CACNB4: variants seen among roughly 807,000 people sequenced by gnomAD.
CACNB4 encodes the protein calcium voltage-gated channel auxiliary subunit beta 4.
A neutral mutation model predicts 71.2 loss-of-function variants in CACNB4; 32 were observed. The ratio of observed to expected loss-of-function variants is 0.45; its 90% confidence interval spans 0.34 to 0.60. The LOEUF (loss-of-function observed/expected upper bound fraction) is 0.60. Among genes scored for constraint, CACNB4 ranks in the 20% least tolerant of loss-of-function variants. The pLI is 0.01. For missense variants in CACNB4, 464 were observed against 647.9 expected (o/e 0.72, Z 3.08); for synonymous variants, 231 against 236.9 (o/e 0.97, Z 0.23).
At chr2:152,066,707 T>C (rs1198308387) in intron 2 of CACNB4, among the ~76,000 whole-genome samples, 14 of 149,830 alleles carry the variant, frequency 9.3e-5, no homozygotes, top group Non-Finnish European at 1.8e-4. Flanking sequence ...ATGTTTATTG[T>C]GGCATTATTC....
chr2:151,948,408 C>A (rs2099866097), intron 2 of CACNB4, among the ~76,000 whole-genome samples: 1 of 152,186 alleles, frequency 6.6e-6, no homozygotes, highest in African/African-American at 2.4e-5. Flanking sequence ...TGCCTGTAAT[C>A]CCAACACTTT....
intron 2 of CACNB4, among the ~76,000 whole-genome samples, chr2:152,048,287 C>A (rs1043988888): frequency 1.8e-4 from 28 of 152,126 alleles, no homozygotes; most frequent in African/African-American, 6.5e-4. Flanking sequence ...GCTGAGAACC[C>A]GTGGGTTAAA....
At chr2:151,920,318 CTTTTTTT>C (rs10574154) in intron 2 of CACNB4, among the ~76,000 whole-genome samples, 1 of 66,092 alleles carries the variant, frequency 1.5e-5, no homozygotes. Flanking sequence ...TCTTCTTCTT[CTTTTTTT>C]TTTTTTTTTT....
At chr2:151,854,335 T>G (rs1162401886) in intron 11 of CACNB4, 2 of 152,286 alleles carry the variant, frequency 1.3e-5, no homozygotes, top group Non-Finnish European at 2.9e-5. Flanking sequence ...GGCCCTAGTT[T>G]GTTCAGGATT....
chr2:151,945,513 G>A (rs959525105), intron 2 of CACNB4, among the ~76,000 whole-genome samples: 1 of 152,070 alleles, frequency 6.6e-6, no homozygotes, highest in South Asian at 2.1e-4. Context: ...TTAGCTGGGT[G>A]TGGTGGTGTG....
chr2:152,088,688 C>G (rs527430117), intron 2 of CACNB4, among the ~76,000 whole-genome samples: 1 of 152,290 alleles, frequency 6.6e-6, no homozygotes, highest in African/African-American at 2.4e-5. Context: ...CAGTAGCCGT[C>G]GAATAAGTTT....
intron 2 of CACNB4, among the ~76,000 whole-genome samples, chr2:151,957,338 T>C (rs1334680463): frequency 6.7e-6 from 1 of 149,524 alleles, no homozygotes; most frequent in Admixed American, 6.8e-5. Context: ...TTGTGTTCAA[T>C]CATTTCTGAC....
At chr2:152,070,186 G>A (rs1047718123) in intron 2 of CACNB4, among the ~76,000 whole-genome samples, 1 of 152,052 alleles carries the variant, frequency 6.6e-6, no homozygotes, top group African/African-American at 2.4e-5. Flanking sequence ...AATATGTCAT[G>A]ACTTCACAAA....
chr2:152,027,503 C>T (rs1451714846), intron 2 of CACNB4, among the ~76,000 whole-genome samples: 5 of 152,194 alleles, frequency 3.3e-5, no homozygotes, highest in Admixed American at 1.3e-4. Context: ...CCTCCTGACT[C>T]ACACCAAGGG....
chr2:152,006,604 C>T (rs1022175109), intron 2 of CACNB4, among the ~76,000 whole-genome samples: 9 of 151,906 alleles, frequency 5.9e-5, no homozygotes, highest in Non-Finnish European at 5.9e-5. Context: ...ACATGGTGGC[C>T]AGGCGGGTTT....
intron 2 of CACNB4, among the ~76,000 whole-genome samples, chr2:151,902,838 T>C (rs1362555795): frequency 6.6e-6 from 1 of 152,194 alleles, no homozygotes. Flanking sequence ...TTGTACCCTA[T>C]TGTGTGCAAT....
chr2:151,925,676 T>C (rs114831064), intron 2 of CACNB4, among the ~76,000 whole-genome samples: 145 of 100,724 alleles, frequency 1.4e-3, no homozygotes, highest in African/African-American at 5.5e-3. Context: ...AATATAGGGA[T>C]AGAAAAGAGG....
intron 2 of CACNB4, among the ~76,000 whole-genome samples, chr2:151,966,926 T>C (rs1275000528): frequency 6.6e-6 from 1 of 152,134 alleles, no homozygotes; most frequent in Non-Finnish European, 1.5e-5. Flanking sequence ...TCTATCATTA[T>C]TGACAGGGAT....
chr2:152,090,762 A>G (rs1225129141), intron 2 of CACNB4, among the ~76,000 whole-genome samples: 4 of 152,154 alleles, frequency 2.6e-5, no homozygotes, highest in Non-Finnish European at 5.9e-5. Flanking sequence ...AATGAAATTT[A>G]GGGTTGGGCA....
At chr2:152,027,600 C>A (rs1185945511) in intron 2 of CACNB4, among the ~76,000 whole-genome samples, 1 of 152,046 alleles carries the variant, frequency 6.6e-6, no homozygotes, top group African/African-American at 2.4e-5. Context: ...AAACCACTGA[C>A]CACCATAAAA....
intron 2 of CACNB4, among the ~76,000 whole-genome samples, chr2:152,085,867 G>A (rs1336853999): frequency 2.0e-5 from 3 of 147,828 alleles, no homozygotes; most frequent in African/African-American, 7.5e-5. Context: ...GAATGCTACT[G>A]CACCTATACT....
rs1018020969 is a variant in CACNB4 at position 151,961,617 on chromosome 2, G to A, written c.148-78247C>T. On this transcript the variant is annotated intron_variant, in intron 2 of 13. Transcript: ENST00000539935. ...CTTTAAGAATGGCTTCAGGCTGAGC[G>A]CAGTGGCTTATGGCTGTAATCTTAG... 5.3e-5 allele frequency among the ~76,000 whole-genome samples: 8 copies of A among 152,160 alleles called. No homozygotes were observed. In the South Asian group the frequency reaches 1.7e-3, roughly 32 times the overall value.
At position 152,098,823 on chromosome 2, in the gene CACNB4, CG is replaced by C; in HGVS notation, c.63+125del. The C allele has an allele frequency of 1.8e-6, 1 of 551,332 alleles. No homozygotes were observed. The highest frequency in any genetic ancestry group is 2.9e-6 in the Non-Finnish European group (1 of 340,916). 34.2% of individuals were successfully genotyped at this position (551,332 alleles called of 1,614,324 possible). On this transcript the variant is annotated intron_variant, in intron 1 of 13. Transcript: ENST00000539935. This position sits in a 1 kb window ranked among gnomAD's most constrained non-coding sequence, Gnocchi z 5.3. The stretch of plus-strand genomic sequence containing the variant: ...GGACGTGGAGGAGGGGTGGGGGGAG[CG>C]GGGCCGCCGACTCCCGGGACTGGGG...
chr2:151,934,886 C>T (rs2099862546), intron 2 of CACNB4, among the ~76,000 whole-genome samples: 1 of 152,198 alleles, frequency 6.6e-6, no homozygotes, highest in Admixed American at 6.5e-5. Flanking sequence ...ACATTCCATA[C>T]AGAAATTCAA....
Sources: gnomAD v4.1 joint callset for allele counts (sites outside exome capture counted in the v4.1 genomes callset) on GRCh38, gnomAD v4.1.1 for gene constraint, Gnocchi (gnomAD v3.1) non-coding constraint, MANE v1.5 for transcripts, NCBI Gene and HGNC (gene_info 2026-07-23, HGNC 2026-07-21) for gene names.